CADM2: variants seen among roughly 807,000 people sequenced by gnomAD.
CADM2 encodes the protein immunoglobulin superfamily member 4D.
In CADM2, 12 loss-of-function variants were observed where a neutral mutation model predicts 49.8. That is an observed-to-expected ratio of 0.24 (90% CI 0.15 to 0.39). The LOEUF (loss-of-function observed/expected upper bound fraction) is 0.39. Among genes scored for constraint, CADM2 ranks in the 10% least tolerant of loss-of-function variants. CADM2 has a pLI of 1.00. For missense variants in CADM2, 378 were observed against 492.3 expected, an observed-to-expected ratio of 0.77 and a Z score of 2.20; for synonymous variants, 214 against 175.4, an observed-to-expected ratio of 1.22 and a Z score of -1.74.
chr3:85,956,368 C>G (rs1453131202), intron 7 of CADM2, among the ~76,000 whole-genome samples: 1 of 151,634 alleles, frequency 6.6e-6, no homozygotes, highest in African/African-American at 2.4e-5. Context: ...CAAATTGTAT[C>G]AAGACTTGCT....
intron 1 of CADM2, among the ~76,000 whole-genome samples, chr3:85,575,618 G>A (rs1428041573): frequency 6.6e-6 from 1 of 152,114 alleles, no homozygotes; most frequent in East Asian, 1.9e-4. Context: ...TTATCTAACA[G>A]TATGCTAAAT....
chr3:85,012,074 G>GTTTTTTTTTT (rs1193075907), intron 1 of CADM2, among the ~76,000 whole-genome samples: 4 of 143,754 alleles, frequency 2.8e-5, no homozygotes, highest in African/African-American at 1.0e-4. Flanking sequence ...GAAGGGCCTG[G>GTTTTTTTTTT]TTTTTTTTTT....
At chr3:85,133,074 C>T (rs1040578191) in intron 1 of CADM2, among the ~76,000 whole-genome samples, 12 of 152,080 alleles carry the variant, frequency 7.9e-5, no homozygotes, top group Admixed American at 2.6e-4. Flanking sequence ...TAGAGTTGTT[C>T]CTTCCTCCAG....
rs568246361 is a variant in CADM2 at position 85,147,041 on chromosome 3, C to G, written c.61+187373C>G. 2.6e-5 allele frequency among the ~76,000 whole-genome samples: 4 copies of G among 151,888 alleles called. No individual in the cohort carries two copies. The South Asian group carries it at 8.3e-4, about 32-fold the overall frequency. On this transcript the variant is annotated intron_variant, in intron 1 of 9. Transcript: ENST00000383699. ...TAACCCCAGCACTTTGGGAGGCCGA[C>G]ACGGGCGGATCACCTGAGGTCAGGA...
At chr3:85,989,967 G>C (rs753093386) in intron 8 of CADM2, among the ~76,000 whole-genome samples, 1 of 103,610 alleles carries the variant, frequency 9.7e-6, no homozygotes, top group Non-Finnish European at 1.7e-5. Context: ...AGCTGAGATC[G>C]CACCACTGCC....
intron 1 of CADM2, among the ~76,000 whole-genome samples, chr3:85,189,724 G>T (rs2041159544): frequency 1.3e-5 from 2 of 151,994 alleles, no homozygotes; most frequent in Admixed American, 1.3e-4. Flanking sequence ...CATTCTTTAG[G>T]GGGGACCTCC....
intron 1 of CADM2, among the ~76,000 whole-genome samples, chr3:85,124,644 A>G (rs184445234): frequency 2.0e-4 from 31 of 152,272 alleles, no homozygotes; most frequent in Middle Eastern, 3.4e-3. Flanking sequence ...AAGTAAACAA[A>G]GAAAATACTG....
intron 3 of CADM2, among the ~76,000 whole-genome samples, chr3:85,821,639 A>G (rs1238378902): frequency 6.6e-6 from 1 of 152,158 alleles, no homozygotes. Context: ...TCTTCTATGC[A>G]ACAAGCATTT....
intron 1 of CADM2, among the ~76,000 whole-genome samples, chr3:85,619,324 A>T (rs2063900146): frequency 6.6e-6 from 1 of 152,090 alleles, no homozygotes; most frequent in South Asian, 2.1e-4. Flanking sequence ...ATTAAAAAAA[A>T]GATGCAATGG....
chr3:86,020,856 C>T (rs571801247), intron 8 of CADM2, among the ~76,000 whole-genome samples: 1 of 152,152 alleles, frequency 6.6e-6, no homozygotes, highest in African/African-American at 2.4e-5. Flanking sequence ...TAAGAGCTAT[C>T]TATGACAAAC....
At chr3:85,372,671 T>G (rs2033336996) in intron 1 of CADM2, among the ~76,000 whole-genome samples, 1 of 152,030 alleles carries the variant, frequency 6.6e-6, no homozygotes, top group African/African-American at 2.4e-5. Context: ...CTTTTCATAC[T>G]GCTATGAAAA....
chr3:85,904,152 A>T (rs1176504634), intron 5 of CADM2, among the ~76,000 whole-genome samples: 1 of 152,156 alleles, frequency 6.6e-6, no homozygotes, highest in Non-Finnish European at 1.5e-5. Context: ...TCCCTGTTAT[A>T]GCTGGCTTCT....
At chr3:85,247,726 T>C (rs543864046) in intron 1 of CADM2, among the ~76,000 whole-genome samples, 1 of 152,254 alleles carries the variant, frequency 6.6e-6, no homozygotes, top group African/African-American at 2.4e-5. Context: ...TTCTAGAATG[T>C]TTGCTGATGC....
Position 85,855,574 on chromosome 3 carries a change from T to C in CADM2, c.239-27717T>C, listed in dbSNP as rs905334407. Reference sequence around the variant, plus strand: ...ATTTTTATATATTTATATTTATATATATATAAAAAACATATATATATATAA... The same window carrying C: ...ATTTTTATATATTTATATTTATATACATATAAAAAACATATATATATATAA... On this transcript the variant is annotated intron_variant, in intron 3 of 9. Transcript: ENST00000383699. Among the ~76,000 whole-genome samples, 3 of 138,948 alleles carry C rather than the reference T, an allele frequency of 2.2e-5. No individual in the cohort carries two copies. The South Asian group carries it at 6.5e-4, about 30-fold the overall frequency. 91.2% of individuals were successfully genotyped at this position (138,948 alleles called of 152,430 possible).
At chr3:85,973,699 A>AT (rs1427902756) in intron 8 of CADM2, among the ~76,000 whole-genome samples, 1 of 151,748 alleles carries the variant, frequency 6.6e-6, no homozygotes, top group Non-Finnish European at 1.5e-5. Flanking sequence ...AACATCGCAC[A>AT]TTTTTAATTT....
At chr3:85,954,329 C>T (rs1723789715) in intron 7 of CADM2, among the ~76,000 whole-genome samples, 1 of 150,772 alleles carries the variant, frequency 6.6e-6, no homozygotes, top group Non-Finnish European at 1.5e-5. Flanking sequence ...TAACAAAAAA[C>T]CCTTAGTGTA....
intron 1 of CADM2, among the ~76,000 whole-genome samples, chr3:85,567,743 A>G (rs1201630669): frequency 1.3e-5 from 2 of 152,226 alleles, no homozygotes; most frequent in Non-Finnish European, 2.9e-5. Context: ...ATGACAGTCC[A>G]TCTGCAAGCT....
chr3:85,730,491 C>T (rs530038739), intron 2 of CADM2, among the ~76,000 whole-genome samples: 2 of 137,288 alleles, frequency 1.5e-5, no homozygotes, highest in African/African-American at 5.9e-5. Flanking sequence ...TAAAAAATCT[C>T]ATTCTTCAGA....
At chr3:85,011,371 T>C (rs982302313) in intron 1 of CADM2, among the ~76,000 whole-genome samples, 10 of 152,144 alleles carry the variant, frequency 6.6e-5, no homozygotes, top group Admixed American at 3.3e-4. Context: ...AATTGGCTTG[T>C]AGACAGATTT....
Sources: allele counts gnomAD v4.1 joint callset (sites outside exome capture counted in the v4.1 genomes callset), GRCh38; gene constraint gnomAD v4.1.1; transcripts MANE v1.5; gene names NCBI Gene and HGNC (gene_info 2026-07-23, HGNC 2026-07-21).